RANBP17: variants seen among roughly 807,000 people sequenced by gnomAD.
RANBP17 encodes ran-binding protein 17.
In RANBP17, 158 loss-of-function variants were observed where a neutral mutation model predicts 141.2. The ratio of observed to expected loss-of-function variants is 1.12; its 90% CI spans 0.98 to 1.28. The LOEUF (loss-of-function observed/expected upper bound fraction) is 1.28, where lower values mean the gene tolerates loss of function less well. RANBP17 is among the 50% of genes most tolerant of loss of function. RANBP17 has a pLI of 0.00. For missense variants in RANBP17, 1,438 were observed against 1,290.7 expected (o/e 1.11, Z -1.75); for synonymous variants, 430 against 450.0 (o/e 0.96, Z 0.56).
Position 170,955,466 on chromosome 5 carries a change from CTATATA to C in RANBP17, c.1574+1778_1574+1783del, listed in dbSNP as rs10610368. 2.0e-4 allele frequency among the ~76,000 whole-genome samples: 24 copies of C among 123,048 alleles called. 1 individual carries two copies. Among genetic ancestry groups the C allele is most frequent in the Admixed American group, 4.3e-4 (5 of 11,764 alleles). 80.7% of individuals were successfully genotyped at this position (123,048 alleles called of 152,430 possible). A position where few individuals can be genotyped will look rare whatever the true frequency, so the allele number is the denominator to read the frequency against. ...GAAAGAGCTCAGTATATATATATAT[CTATATA>C]TATATATATATATGCTCAGTGTGTA... On this transcript the variant is annotated intron_variant, in intron 13 of 27. Coordinates refer to ENST00000523189, the MANE Select transcript of RANBP17 (RefSeq NM_022897.5).
chr5:171,115,000 A>C (rs1755511118), intron 14 of RANBP17, among the ~76,000 whole-genome samples: 1 of 151,964 alleles, frequency 6.6e-6, no homozygotes, highest in African/African-American at 2.4e-5. Context: ...TATAGGCCCA[A>C]CTGCTTGGGA....
At chr5:171,108,340 A>G (rs933903842) in intron 14 of RANBP17, among the ~76,000 whole-genome samples, 3 of 152,180 alleles carry the variant, frequency 2.0e-5, no homozygotes, top group African/African-American at 4.8e-5. Flanking sequence ...CTAGAAAAAA[A>G]CTCACACATA....
intron 5 of RANBP17, among the ~76,000 whole-genome samples, chr5:170,905,374 A>G (rs970338176): frequency 2.0e-5 from 3 of 152,170 alleles, no homozygotes; most frequent in African/African-American, 4.8e-5. Flanking sequence ...ATATAGATGT[A>G]TATATGTAGA....
In RANBP17 at chr5:171,277,637, G is replaced by GTGTGTATATATATATA. The variant is rs1437482589; in HGVS notation, c.2943+11791_2943+11792insGTGTATATATATATAT. Among the ~76,000 whole-genome samples the GTGTGTATATATATATA allele has an allele frequency of 6.6e-3, 375 of 56,896 alleles. 20 individuals are homozygous for GTGTGTATATATATATA. The highest frequency in any genetic ancestry group is 7.8e-3 in the Non-Finnish European group (232 of 29,692). The allele number at this position is 56,896 out of a possible 152,430, so 37.3% of individuals were successfully genotyped here. On this transcript the variant is annotated intron_variant, in intron 25 of 27. Transcript: ENST00000523189. The stretch of plus-strand genomic sequence containing the variant: ...GTGCCTTACGTATACATATATGTAT[G>GTGTGTATATATATATA]TATATATATATATATATATATATAT...
chr5:170,903,375 G>A (rs1301007766), intron 5 of RANBP17, among the ~76,000 whole-genome samples: 1 of 152,214 alleles, frequency 6.6e-6, no homozygotes, highest in African/African-American at 2.4e-5. Context: ...AGACTGCTGT[G>A]CTGGCAGCAA....
intron 1 of RANBP17, 121 bp from the exon 2 acceptor site, chr5:170,877,976 C>CGATAAA (rs1345742878): frequency 4.9e-6 from 3 of 615,336 alleles, no homozygotes; most frequent in Non-Finnish European, 7.6e-6. Flanking sequence ...AGTTGTATAT[C>CGATAAA]GATAAACATG....
intron 14 of RANBP17, among the ~76,000 whole-genome samples, chr5:171,055,991 T>A (rs1372992011): frequency 3.3e-5 from 5 of 150,530 alleles, no homozygotes; most frequent in Admixed American, 2.7e-4. Flanking sequence ...TCTGGAGAAA[T>A]CAGCTAGAGA....
At chr5:171,281,248 A>G (rs974449727) in intron 25 of RANBP17, among the ~76,000 whole-genome samples, 4 of 152,138 alleles carry the variant, frequency 2.6e-5, no homozygotes, top group Non-Finnish European at 4.4e-5. Flanking sequence ...TGTCAAGTAA[A>G]CTCCCAAGAA....
intron 14 of RANBP17, among the ~76,000 whole-genome samples, chr5:171,104,063 G>A (rs1787374356): frequency 6.6e-6 from 1 of 152,186 alleles, no homozygotes; most frequent in Non-Finnish European, 1.5e-5. Flanking sequence ...ATGAGTTGGA[G>A]TTTTGCTGTT....
intron 14 of RANBP17, among the ~76,000 whole-genome samples, chr5:171,084,068 G>A (rs1040089755): frequency 1.2e-4 from 17 of 147,060 alleles, no homozygotes; most frequent in Middle Eastern, 3.6e-3. Context: ...CCACTAACTC[G>A]TCATCTAGCA....
chr5:170,865,613 G>T (rs1767187478), intron 1 of RANBP17, among the ~76,000 whole-genome samples: 1 of 152,170 alleles, frequency 6.6e-6, no homozygotes, highest in African/African-American at 2.4e-5. Context: ...TCAGGGGGAG[G>T]TGTTGAGTTG....
intron 5 of RANBP17, chr5:170,904,499 C>T (rs935589024): frequency 1.3e-5 from 2 of 152,336 alleles, no homozygotes; most frequent in Admixed American, 1.3e-4. Flanking sequence ...CTTAATTTCA[C>T]GTTTTTTCTC....
chr5:171,276,186 G>T (rs1402696871), intron 25 of RANBP17, among the ~76,000 whole-genome samples: 1 of 152,200 alleles, frequency 6.6e-6, no homozygotes, highest in Non-Finnish European at 1.5e-5. Context: ...AGATTAATCT[G>T]CTTTATTAAC....
Position 171,242,667 on chromosome 5 carries a change from A to G in RANBP17, c.2638-15A>G. 1 of 1,611,214 alleles carries G rather than the reference A, an allele frequency of 6.2e-7. No homozygotes were observed. Among genetic ancestry groups the G allele is most frequent in the Non-Finnish European group, 8.5e-7 (1 of 1,179,218 alleles). The stretch of plus-strand genomic sequence containing the variant: ...TTCTCTGTGGCTTGACATTTAGTAT[A>G]TCTCTGTGTTGTAGCAATACCGGAA... On this transcript the variant is annotated splice_polypyrimidine_tract_variant and intron_variant, in intron 23 of 27. Transcript: ENST00000523189.
At chr5:170,928,803 A>G (rs1484081199) in intron 12 of RANBP17, among the ~76,000 whole-genome samples, 1 of 150,678 alleles carries the variant, frequency 6.6e-6, no homozygotes, top group Non-Finnish European at 1.5e-5. Context: ...TGGCTATTCT[A>G]GGTCTTTTGG....
intron 22 of RANBP17, among the ~76,000 whole-genome samples, chr5:171,223,564 G>A (rs1377155226): frequency 6.6e-6 from 1 of 152,162 alleles, no homozygotes; most frequent in Non-Finnish European, 1.5e-5. Context: ...GAACCCGGGA[G>A]GCAGAGGTTG....
intron 25 of RANBP17, among the ~76,000 whole-genome samples, chr5:171,279,349 C>T (rs189656813): frequency 6.6e-6 from 1 of 152,256 alleles, no homozygotes; most frequent in East Asian, 1.9e-4. Context: ...ATGTATTTGC[C>T]TCACAGTCTT....
intron 14 of RANBP17, among the ~76,000 whole-genome samples, chr5:171,107,455 A>T (rs926010380): frequency 9.2e-5 from 14 of 152,172 alleles, no homozygotes; most frequent in Non-Finnish European, 1.0e-4. Context: ...TTGTGAGTGG[A>T]TGCTTATAGT....
At chr5:171,002,000 G>A (rs933615650) in intron 14 of RANBP17, among the ~76,000 whole-genome samples, 2 of 152,066 alleles carry the variant, frequency 1.3e-5, no homozygotes, top group Non-Finnish European at 2.9e-5. Flanking sequence ...GCAAATCCCC[G>A]AGTTTGACGT....
Sources: gnomAD v4.1 joint callset for allele counts (sites outside exome capture counted in the v4.1 genomes callset) on GRCh38, gnomAD v4.1.1 for gene constraint, MANE v1.5 for transcripts, NCBI Gene and HGNC (gene_info 2026-07-23, HGNC 2026-07-21) for gene names.